The following DPH6 variants were observed in gnomAD, a reference collection of about 807,000 sequenced individuals.
DPH6 encodes the protein diphthamine biosynthesis 6.
Under a neutral mutation model 38.2 loss-of-function variants are expected in DPH6, and 33 were observed. The ratio of observed to expected loss-of-function variants is 0.86; its 90% CI spans 0.65 to 1.15. The LOEUF is 1.15. Ranked by LOEUF, DPH6 falls within the 50% of genes most tolerant of loss-of-function variation. The pLI is 0.00. For synonymous variants in DPH6, 108 were observed against 103.0 expected, an observed-to-expected ratio of 1.05 and a Z score of -0.30; for missense variants, 325 against 320.0, an observed-to-expected ratio of 1.02 and a Z score of -0.12.
At chr15:35,460,826 G>C (rs1566918482) in intron 3 of DPH6, among the ~76,000 whole-genome samples, 2 of 150,756 alleles carry the variant, frequency 1.3e-5, no homozygotes, top group East Asian at 3.9e-4. Flanking sequence ...GCTAGTCCAG[G>C]CAGCTGTCTG....
intron 3 of DPH6, among the ~76,000 whole-genome samples, chr15:35,474,907 C>A (rs2054246047): frequency 6.6e-6 from 1 of 151,230 alleles, no homozygotes; most frequent in Admixed American, 6.6e-5. Context: ...TTTTAAAAGT[C>A]ATTAATTAAA....
At chr15:35,222,177 G>C (rs2051447221) in intron 3 of DPH6, among the ~76,000 whole-genome samples, 1 of 152,122 alleles carries the variant, frequency 6.6e-6, no homozygotes, top group South Asian at 2.1e-4. Context: ...CTTCTTCTGA[G>C]CCATGTAGAA....
At chr15:35,457,719 C>G (rs940227488) in intron 3 of DPH6, among the ~76,000 whole-genome samples, 1 of 152,172 alleles carries the variant, frequency 6.6e-6, no homozygotes, top group East Asian at 1.9e-4. Flanking sequence ...CAAAAAATAT[C>G]AATTCCTATT....
the DPH6 span, among the ~76,000 whole-genome samples, chr15:35,156,944 A>C: frequency 2.0e-5 from 3 of 152,120 alleles, no homozygotes; most frequent in African/African-American, 7.2e-5. Context: ...TGCTTCTTTG[A>C]ACTAATTTTG....
chr15:35,505,538 A>C (rs1023693575), intron 3 of DPH6, among the ~76,000 whole-genome samples: 6 of 152,206 alleles, frequency 3.9e-5, no homozygotes, highest in African/African-American at 1.4e-4. Context: ...TAAACTCCTC[A>C]TATCAACATT....
At chr15:35,203,896 T>G in the DPH6 span, among the ~76,000 whole-genome samples, 1 of 151,868 alleles carries the variant, frequency 6.6e-6, no homozygotes. Context: ...AATTCTACTT[T>G]TTCATTAATT....
chr15:35,175,230 G>C, the DPH6 span, among the ~76,000 whole-genome samples: 241 of 148,604 alleles, frequency 1.6e-3, 1 homozygote, highest in African/African-American at 5.4e-3. Context: ...CATTTTACCT[G>C]AAGTCGATAA....
At chr15:35,503,571 T>G (rs2054655094) in intron 3 of DPH6, among the ~76,000 whole-genome samples, 1 of 152,156 alleles carries the variant, frequency 6.6e-6, no homozygotes, top group African/African-American at 2.4e-5. Flanking sequence ...CATACCCTTA[T>G]TCTTCTATTC....
chr15:35,280,656 A>G (rs889949597), intron 3 of DPH6, among the ~76,000 whole-genome samples: 5 of 152,204 alleles, frequency 3.3e-5, no homozygotes, highest in African/African-American at 1.2e-4. Flanking sequence ...AAACATATTA[A>G]AGGTGCAAAT....
intron 3 of DPH6, among the ~76,000 whole-genome samples, chr15:35,285,872 G>GGTTTTTTTTTTTTTTTTTTT (rs1555391167): frequency 1.7e-4 from 9 of 52,814 alleles, no homozygotes; most frequent in African/African-American, 5.2e-4. Context: ...TTATCTTTGA[G>GGTTTTTTTTTTTTTTTTTTT]TTTTTTTTTT....
At chr15:35,484,940 A>C (rs1221979715) in intron 3 of DPH6, among the ~76,000 whole-genome samples, 1 of 152,252 alleles carries the variant, frequency 6.6e-6, no homozygotes, top group Non-Finnish European at 1.5e-5. Context: ...CATTTCTTAC[A>C]TTTAACAAAA....
chr15:35,237,727 T>C (rs772016024), intron 3 of DPH6: 122 of 1,609,936 alleles, frequency 7.6e-5, no homozygotes, highest in Non-Finnish European at 9.9e-5. Flanking sequence ...ACCGAGAAAA[T>C]GTGTTCAAGC....
intron 3 of DPH6, among the ~76,000 whole-genome samples, chr15:35,242,320 G>C (rs1226930556): frequency 7.0e-6 from 1 of 142,660 alleles, no homozygotes; most frequent in South Asian, 2.4e-4. Flanking sequence ...CATGGTTAGT[G>C]CGGTCAGAAT....
intron 3 of DPH6, among the ~76,000 whole-genome samples, chr15:35,352,760 G>C (rs374693869): frequency 3.9e-5 from 6 of 152,082 alleles, no homozygotes; most frequent in African/African-American, 1.2e-4. Flanking sequence ...TGTGTCTTTA[G>C]AGCAGCATGA....
At chr15:35,355,119 T>C (rs575947140) in intron 3 of DPH6, among the ~76,000 whole-genome samples, 16 of 152,184 alleles carry the variant, frequency 1.1e-4, no homozygotes, top group African/African-American at 3.6e-4. Context: ...CTTGCCTTTT[T>C]TTGTTTTCCA....
At chr15:35,205,857 T>A in the DPH6 span, among the ~76,000 whole-genome samples, 1 of 152,116 alleles carries the variant, frequency 6.6e-6, no homozygotes, top group East Asian at 1.9e-4. Context: ...ATCCACAATT[T>A]AAAAAATAAT....
chr15:35,335,450 T>TTGCTTTTGGTGTTTTAGA (rs1277454189), intron 3 of DPH6, among the ~76,000 whole-genome samples: 1 of 152,202 alleles, frequency 6.6e-6, no homozygotes, highest in East Asian at 1.9e-4. Context: ...TTTGTTATCT[T>TTGCTTTTGGTGTTTTAGA]TGTCATAAAA....
intron 3 of DPH6, among the ~76,000 whole-genome samples, chr15:35,492,565 T>C (rs1036013895): frequency 6.6e-6 from 1 of 152,192 alleles, no homozygotes; most frequent in Non-Finnish European, 1.5e-5. Context: ...AAAGGATTAT[T>C]TTCACTGGCC....
At chr15:35,261,788 T>G (rs1595451293) in intron 3 of DPH6, among the ~76,000 whole-genome samples, 1 of 150,404 alleles carries the variant, frequency 6.6e-6, no homozygotes, top group Non-Finnish European at 1.5e-5. Context: ...AGCCCTGATC[T>G]CACCACTGCA....
Sources: gnomAD v4.1 joint callset for allele counts (sites outside exome capture counted in the v4.1 genomes callset) on GRCh38, gnomAD v4.1.1 for gene constraint, MANE v1.5 for transcripts, NCBI Gene and HGNC (gene_info 2026-07-23, HGNC 2026-07-21) for gene names.